CD8A: variants seen among roughly 807,000 people sequenced by gnomAD.
CD8A encodes the protein T-cell surface glycoprotein CD8 alpha chain.
Under a neutral mutation model 24.2 loss-of-function variants are expected in CD8A, and 25 were observed. The observed-to-expected ratio is 1.03, with a 90% confidence interval of 0.75 to 1.44. CD8A has a LOEUF of 1.44. Ranked by LOEUF, CD8A falls within the 40% of genes most tolerant of loss-of-function variation. CD8A has a pLI of 0.00. For missense variants in CD8A, 360 were observed against 319.7 expected (o/e 1.13, Z -0.96); for synonymous variants, 165 against 149.9 (o/e 1.10, Z -0.74).
At chr2:86,786,061 C>G in intron 5 of CD8A, 90 bp from the exon 6 acceptor site, 2 of 1,038,108 alleles carry the variant, frequency 1.9e-6, no homozygotes, top group South Asian at 2.5e-5. Flanking sequence ...ATCCCCCAGC[C>G]TTTGAAAGGT....
intron 2 of CD8A, among the ~76,000 whole-genome samples, 175 bp from the exon 3 acceptor site, chr2:86,789,925 C>A (rs934415111): frequency 2.0e-5 from 3 of 152,178 alleles, no homozygotes; most frequent in Non-Finnish European, 4.4e-5. Context: ...TGTGCTCGGG[C>A]CTCGGCTCAG....
At chr2:86,801,257 A>G (rs933314049) in intron 3 of CD8A, among the ~76,000 whole-genome samples, 1 of 152,120 alleles carries the variant, frequency 6.6e-6, no homozygotes, top group Non-Finnish European at 1.5e-5. Context: ...TTGATGATAG[A>G]TAACATTGTC....
chr2:86,797,968 G>A (rs973886573), intron 3 of CD8A, among the ~76,000 whole-genome samples: 3 of 152,318 alleles, frequency 2.0e-5, no homozygotes, highest in Admixed American at 1.3e-4. Context: ...TGTCCAATGA[G>A]TGTGGATTTG....
chr2:86,788,894 C>T (rs1286507272), intron 4 of CD8A, among the ~76,000 whole-genome samples: 1 of 152,204 alleles, frequency 6.6e-6, no homozygotes, highest in Non-Finnish European at 1.5e-5. Context: ...TCCGGCACCT[C>T]TCTTGCATGG....
chr2:86,803,345 A>C (rs1212657228), intron 2 of CD8A, among the ~76,000 whole-genome samples: 1 of 152,204 alleles, frequency 6.6e-6, no homozygotes, highest in East Asian at 1.9e-4. Context: ...ATTCATAATA[A>C]CCAAGATATG....
At chr2:86,786,999 G>A (rs534506624) in intron 5 of CD8A, among the ~76,000 whole-genome samples, 1 of 92,998 alleles carries the variant, frequency 1.1e-5, no homozygotes, top group Non-Finnish European at 1.9e-5. Context: ...AAGCCTGGGC[G>A]ACATAGCGAG....
intron 2 of CD8A, among the ~76,000 whole-genome samples, chr2:86,802,235 A>T (rs907338430): frequency 2.0e-5 from 3 of 152,068 alleles, no homozygotes; most frequent in African/African-American, 7.2e-5. Flanking sequence ...ACAGGATTTC[A>T]CCATGTTAGC....
Position 86,785,376 on chromosome 2 carries a change from C to T in CD8A, c.*544G>A. On this transcript the variant is annotated 3_prime_UTR_variant, in exon 6 of 6. Transcript: ENST00000283635. Reference sequence around the variant, plus strand: ...CCTCGAGGCTCTGGGCACAGTATCCCAGGTATCAAGAAGTACTTGTTCCCT... The same window carrying T: ...CCTCGAGGCTCTGGGCACAGTATCCTAGGTATCAAGAAGTACTTGTTCCCT... 2.2e-6 allele frequency: 1 copy of T among 454,338 alleles called. No individual in the cohort carries two copies. Among genetic ancestry groups the T allele is most frequent in the Non-Finnish European group, 4.4e-6 (1 of 226,958 alleles). 28.1% of individuals were successfully genotyped at this position (454,338 alleles called of 1,614,324 possible). A position where few individuals can be genotyped will look rare whatever the true frequency, so the allele number is the denominator to read the frequency against.
intron 2 of CD8A, among the ~76,000 whole-genome samples, chr2:86,804,577 T>C (rs965001039): frequency 3.9e-5 from 6 of 152,110 alleles, no homozygotes; most frequent in African/African-American, 1.2e-4. Flanking sequence ...AATGGTAAGA[T>C]TGTTATGTGT....
rs532202142 is a variant in CD8A, at chr2:86,788,303, C to T, written c.656+227G>A. 5.2e-5 allele frequency among the ~76,000 whole-genome samples: 7 copies of T among 134,856 alleles called. No individual in the cohort carries two copies. The South Asian group carries it at 1.6e-3, about 31-fold the overall frequency. The allele number at this position is 134,856 out of a possible 152,430, so 88.5% of individuals were successfully genotyped here. A position where few individuals can be genotyped will look rare whatever the true frequency, so the allele number is the denominator to read the frequency against. The stretch of plus-strand genomic sequence containing the variant: ...AAATAAGATGGAGATTTACTGGAGT[C>T]ACACTGCTGTTGGCACCCGCCTAAC... On this transcript the variant is annotated intron_variant, in intron 5 of 5. Transcript: ENST00000283635.
intron 5 of CD8A, among the ~76,000 whole-genome samples, chr2:86,786,412 A>G (rs1672998378): frequency 6.6e-6 from 1 of 152,168 alleles, no homozygotes; most frequent in Admixed American, 6.5e-5. Context: ...CCATCAGCCA[A>G]ATGATGTTAC....
intron 3 of CD8A, among the ~76,000 whole-genome samples, chr2:86,798,686 C>A (rs1174882593): frequency 6.6e-6 from 1 of 152,024 alleles, no homozygotes; most frequent in Non-Finnish European, 1.5e-5. Context: ...CCATGCCCAG[C>A]TAATTTTTAT....
At position 86,790,527 on chromosome 2, in the gene CD8A, G is replaced by C. The variant is rs1558735667; in HGVS notation, c.204C>G (p.Thr68=). Residue 68 remains threonine, a synonymous_variant, in exon 2 of 6, where the codon ACC becomes ACG. Coordinates refer to ENST00000283635, the MANE Select transcript of CD8A (RefSeq NM_001768.7). ...TGTTTTGGGAGAGGTATAGGAGGAA[G>C]GTGGGACTGGCGGCGGCGCCGCGCG... ...FQPRGAAASP[T]FLLYLSQNKP... The C allele has an allele frequency of 6.2e-7, 1 of 1,613,998 alleles. No homozygotes were observed. The highest frequency in any genetic ancestry group is 8.5e-7 in the Non-Finnish European group (1 of 1,180,034).
chr2:86,785,200 A>G lies in CD8A; in HGVS notation c.*720T>C, dbSNP rs1157049961. On this transcript the variant is annotated 3_prime_UTR_variant, in exon 6 of 6. Transcript: ENST00000283635. ...GGTTTCACAGAGATTTTCTTTAGAG[A>G]TAGAGGGATTCATTTTCCAGGGTTA... The G allele has an allele frequency of 6.6e-6, 3 of 453,754 alleles. No homozygotes were observed. Among genetic ancestry groups the G allele is most frequent in the Non-Finnish European group, 8.8e-6 (2 of 226,754 alleles). 28.1% of individuals were successfully genotyped at this position (453,754 alleles called of 1,614,324 possible). A position where few individuals can be genotyped will look rare whatever the true frequency, so the allele number is the denominator to read the frequency against.
At chr2:86,805,020 C>T (rs1673798437) in intron 2 of CD8A, among the ~76,000 whole-genome samples, 1 of 151,926 alleles carries the variant, frequency 6.6e-6, no homozygotes. Flanking sequence ...CCAGACTGGT[C>T]TCGAACTCCT....
chr2:86,785,824 C>A lies in CD8A; in HGVS notation c.*96G>T. On this transcript the variant is annotated 3_prime_UTR_variant, in exon 6 of 6. Coordinates refer to ENST00000283635, the MANE Select transcript of CD8A (RefSeq NM_001768.7). Reference sequence around the variant, plus strand: ...AAAATAATAATCATGAGAATGAATACACAGGGAGGAAGACTGGAAAAAATG... The same window carrying A: ...AAAATAATAATCATGAGAATGAATAAACAGGGAGGAAGACTGGAAAAAATG... 2.3e-6 allele frequency: 2 copies of A among 883,136 alleles called. No homozygotes were observed. The highest frequency in any genetic ancestry group is 3.9e-6 in the Non-Finnish European group (2 of 512,424). 54.7% of individuals were successfully genotyped at this position (883,136 alleles called of 1,614,324 possible).
intron 3 of CD8A, among the ~76,000 whole-genome samples, chr2:86,800,037 T>C (rs1290970496): frequency 6.6e-6 from 1 of 152,160 alleles, no homozygotes; most frequent in Non-Finnish European, 1.5e-5. Context: ...ATTTTAACTT[T>C]CCTTGAATCT....
chr2:86,805,111 T>A (rs56216112), intron 2 of CD8A, among the ~76,000 whole-genome samples: 12,123 of 152,140 alleles, frequency 0.08, 1,473 homozygotes, highest in African/African-American at 0.27. Context: ...CCTAAATTTT[T>A]TTTTTTAATG....
At chr2:86,790,285 C>A in intron 2 of CD8A, 43 bp downstream of exon 2, 3 of 1,431,590 alleles carry the variant, frequency 2.1e-6, no homozygotes, top group Non-Finnish European at 3.0e-6. Flanking sequence ...TGAGGTGAAC[C>A]CCAAGCCCCA....
Sources: allele counts gnomAD v4.1 joint callset (sites outside exome capture counted in the v4.1 genomes callset), GRCh38; gene constraint gnomAD v4.1.1; transcripts MANE v1.5; gene names NCBI Gene and HGNC (gene_info 2026-07-23, HGNC 2026-07-21).